HS6ST3: variants seen among roughly 807,000 people sequenced by gnomAD.
The protein encoded by HS6ST3 is heparan-sulfate 6-O-sulfotransferase 3.
In HS6ST3, 12 loss-of-function variants were observed where a neutral mutation model predicts 36.7. The observed-to-expected ratio is 0.33, with a 90% CI of 0.21 to 0.53. HS6ST3 has a LOEUF of 0.53. HS6ST3 is among the 20% of genes least tolerant of loss of function. The probability of loss-of-function intolerance (pLI) is 0.95; values close to 1 mark genes in which losing one functional copy is unlikely to be tolerated. For synonymous variants in HS6ST3, 240 were observed against 257.5 expected (o/e 0.93, Z 0.65); for missense variants, 584 against 640.9 (o/e 0.91, Z 0.96).
At chr13:96,790,626 G>T (rs540587231) in intron 1 of HS6ST3, among the ~76,000 whole-genome samples, 1 of 152,100 alleles carries the variant, frequency 6.6e-6, no homozygotes, top group African/African-American at 2.4e-5. Context: ...ACACAAATAT[G>T]ATTTTCCATC....
intron 1 of HS6ST3, among the ~76,000 whole-genome samples, chr13:96,217,419 A>G (rs9590372): frequency 0.44 from 67,335 of 152,002 alleles, 15,532 homozygotes; most frequent in Admixed American, 0.57. Flanking sequence ...CTCCTTCAGA[A>G]TGGAAGCCCC....
chr13:96,473,611 G>A (rs753898258), intron 1 of HS6ST3, among the ~76,000 whole-genome samples: 15 of 152,168 alleles, frequency 9.9e-5, no homozygotes, highest in Admixed American at 3.9e-4. Context: ...CTACAGAGGC[G>A]GCGTCCAATT....
intron 1 of HS6ST3, among the ~76,000 whole-genome samples, chr13:96,575,962 G>A (rs1310790941): frequency 3.3e-5 from 5 of 152,154 alleles, no homozygotes; most frequent in African/African-American, 4.8e-5. Context: ...TGGGTGCCAC[G>A]CCAGTGAACA....
chr13:96,483,857 G>A (rs113472611), intron 1 of HS6ST3, among the ~76,000 whole-genome samples: 16 of 152,168 alleles, frequency 1.1e-4, no homozygotes, highest in African/African-American at 3.4e-4. Flanking sequence ...TTGTGTTATC[G>A]TCTAGAGTTT....
At chr13:96,683,798 T>C (rs1874687281) in intron 1 of HS6ST3, among the ~76,000 whole-genome samples, 1 of 152,108 alleles carries the variant, frequency 6.6e-6, no homozygotes, top group Non-Finnish European at 1.5e-5. Context: ...GACAATTATT[T>C]CTATCTTCAG....
chr13:96,272,637 G>A (rs1395528591), intron 1 of HS6ST3, among the ~76,000 whole-genome samples: 1 of 152,002 alleles, frequency 6.6e-6, no homozygotes. Context: ...GATATTGCTA[G>A]TGCTTTATAT....
intron 1 of HS6ST3, among the ~76,000 whole-genome samples, chr13:96,193,136 A>G (rs2054296537): frequency 6.6e-6 from 1 of 152,170 alleles, no homozygotes; most frequent in Non-Finnish European, 1.5e-5. Context: ...GAGATGAGAG[A>G]AATCAAGGTT....
chr13:96,401,762 G>T (rs898170090), intron 1 of HS6ST3, among the ~76,000 whole-genome samples: 1 of 151,870 alleles, frequency 6.6e-6, no homozygotes, highest in East Asian at 1.9e-4. Flanking sequence ...TTTCGTAGAG[G>T]CAGGGTTTCA....
chr13:96,721,409 A>G (rs1875842758), intron 1 of HS6ST3, among the ~76,000 whole-genome samples: 1 of 152,192 alleles, frequency 6.6e-6, no homozygotes, highest in African/African-American at 2.4e-5. Context: ...ATGTTTGCAT[A>G]AATAATAATA....
chr13:96,393,104 T>TTC (rs2055404338), intron 1 of HS6ST3, among the ~76,000 whole-genome samples: 1 of 152,328 alleles, frequency 6.6e-6, no homozygotes, highest in Admixed American at 6.5e-5. Flanking sequence ...TTGGCTCTCA[T>TTC]TCTCTCTTGC....
chr13:96,738,064 A>T (rs779611675), intron 1 of HS6ST3, among the ~76,000 whole-genome samples: 111 of 152,296 alleles, frequency 7.3e-4, no homozygotes, highest in Middle Eastern at 3.4e-3. Context: ...TAATATAGTC[A>T]CAGGTTCTGT....
intron 1 of HS6ST3, among the ~76,000 whole-genome samples, chr13:96,791,328 G>A (rs367792399): frequency 5.3e-5 from 8 of 152,038 alleles, no homozygotes; most frequent in East Asian, 1.9e-4. Flanking sequence ...AATATTAAAC[G>A]ATTAATATAA....
At chr13:96,603,178 A>G (rs951431830) in intron 1 of HS6ST3, among the ~76,000 whole-genome samples, 5 of 152,114 alleles carry the variant, frequency 3.3e-5, no homozygotes, top group Non-Finnish European at 5.9e-5. Flanking sequence ...ACCTACCTAT[A>G]TTAGGAAAAA....
In HS6ST3 at chr13:96,689,606, C is replaced by CTTTTTTTT. The variant is rs34000071; in HGVS notation, c.708-142875_708-142868dup. On this transcript the variant is annotated intron_variant, in intron 1 of 1. Transcript: ENST00000376705. ...TTTGTAGTTTTTGCTTTCTTTCTTT[C>CTTTTTTTT]TTTTTTTTTTTTTTTTGGTGATTGT... 5.4e-3 allele frequency among the ~76,000 whole-genome samples: 549 copies of CTTTTTTTT among 100,948 alleles called. 15 individuals carry two copies. Among genetic ancestry groups the CTTTTTTTT allele is most frequent in the Middle Eastern group, 0.015 (2 of 132 alleles). The allele number at this position is 100,948 out of a possible 152,430, so 66.2% of individuals were successfully genotyped here. A position where few individuals can be genotyped will look rare whatever the true frequency, so the allele number is the denominator to read the frequency against.
intron 1 of HS6ST3, among the ~76,000 whole-genome samples, chr13:96,534,165 C>A (rs2056146281): frequency 6.6e-6 from 1 of 152,176 alleles, no homozygotes; most frequent in African/African-American, 2.4e-5. Flanking sequence ...GACCATTTTA[C>A]TGATGTATTT....
chr13:96,440,144 A>C (rs571189500), intron 1 of HS6ST3, among the ~76,000 whole-genome samples: 1 of 152,252 alleles, frequency 6.6e-6, no homozygotes, highest in South Asian at 2.1e-4. Flanking sequence ...AATTTTCCCT[A>C]GTATAGAAAC....
At chr13:96,203,420 G>A (rs111690475) in intron 1 of HS6ST3, among the ~76,000 whole-genome samples, 15 of 152,138 alleles carry the variant, frequency 9.9e-5, no homozygotes, top group African/African-American at 2.9e-4. Flanking sequence ...TGCTCTAATC[G>A]TACCTCAAAG....
intron 1 of HS6ST3, among the ~76,000 whole-genome samples, chr13:96,545,117 A>G (rs2056192939): frequency 6.6e-6 from 1 of 152,176 alleles, no homozygotes; most frequent in Non-Finnish European, 1.5e-5. Context: ...GGCATTATTT[A>G]TGCAGCCTGT....
chr13:96,265,059 T>C (rs940882451), intron 1 of HS6ST3, among the ~76,000 whole-genome samples: 1 of 152,190 alleles, frequency 6.6e-6, no homozygotes, highest in African/African-American at 2.4e-5. Context: ...CACTCCATTC[T>C]TCATACCTCT....
Sources: gnomAD v4.1 joint callset for allele counts (sites outside exome capture counted in the v4.1 genomes callset) on GRCh38, gnomAD v4.1.1 for gene constraint, MANE v1.5 for transcripts, NCBI Gene and HGNC (gene_info 2026-07-23, HGNC 2026-07-21) for gene names.